KCNIP4: variants seen among roughly 807,000 people sequenced by gnomAD.
KCNIP4 encodes the protein Kv channel-interacting protein 4.
KCNIP4 carries 12 observed loss-of-function variants against 34.0 expected under a neutral mutation model. That is an observed-to-expected ratio of 0.35 (90% CI 0.23 to 0.57). The LOEUF (loss-of-function observed/expected upper bound fraction) is 0.57. Ranked by LOEUF, KCNIP4 falls within the 20% of genes least tolerant of loss-of-function variation. The pLI is 0.83. For synonymous variants in KCNIP4, 124 were observed against 102.2 expected, an observed-to-expected ratio of 1.21 and a Z score of -1.29; for missense variants, 238 against 311.7, an observed-to-expected ratio of 0.76 and a Z score of 1.78.
intron 1 of KCNIP4, among the ~76,000 whole-genome samples, chr4:21,629,849 C>CTTTTTTTTTTTTTTTTTTTTTTTTTTT (rs5856652): frequency 1.1e-5 from 1 of 87,802 alleles, no homozygotes; most frequent in African/African-American, 4.8e-5. Context: ...CTTTTTCTTT[C>CTTTTTTTTTTTTTTTTTTTTTTTTTTT]TTTTTTTTTT....
intron 1 of KCNIP4, among the ~76,000 whole-genome samples, chr4:21,192,940 C>CA (rs1755768736): frequency 6.9e-6 from 1 of 145,248 alleles, no homozygotes; most frequent in Non-Finnish European, 1.5e-5. Context: ...ACTACTACTA[C>CA]TACTACTACT....
chr4:21,068,271 G>C (rs76970870), intron 1 of KCNIP4, among the ~76,000 whole-genome samples: 3,548 of 152,192 alleles, frequency 0.023, 127 homozygotes, highest in African/African-American at 0.08. Flanking sequence ...AGGCTCTGAC[G>C]TGGTCGTCCT....
At chr4:21,100,310 G>T (rs1747822897) in intron 1 of KCNIP4, among the ~76,000 whole-genome samples, 1 of 152,080 alleles carries the variant, frequency 6.6e-6, no homozygotes, top group Non-Finnish European at 1.5e-5. Context: ...CAGCACTTTG[G>T]GAGGCCAAGC....
At chr4:21,743,808 C>T (rs1560681349) in intron 1 of KCNIP4, among the ~76,000 whole-genome samples, 2 of 148,784 alleles carry the variant, frequency 1.3e-5, no homozygotes, top group South Asian at 2.2e-4. Flanking sequence ...CTGCAAATTA[C>T]ACAGCTTTCT....
chr4:21,374,825 A>G (rs1420840406), intron 1 of KCNIP4, among the ~76,000 whole-genome samples: 2 of 147,454 alleles, frequency 1.4e-5, no homozygotes, highest in Non-Finnish European at 2.9e-5. Flanking sequence ...CTGGGAATGG[A>G]GTGTAGCTTG....
chr4:21,831,405 G>T (rs1023045677), intron 1 of KCNIP4, among the ~76,000 whole-genome samples: 1 of 151,626 alleles, frequency 6.6e-6, no homozygotes, highest in Non-Finnish European at 1.5e-5. Flanking sequence ...CAAACATTTA[G>T]CTAGGTTAAC....
At chr4:21,879,919 T>A (rs556884556) in intron 1 of KCNIP4, among the ~76,000 whole-genome samples, 1 of 152,030 alleles carries the variant, frequency 6.6e-6, no homozygotes, top group Non-Finnish European at 1.5e-5. Flanking sequence ...GGGCTTTTTT[T>A]CCCCACTTTC....
intron 1 of KCNIP4, among the ~76,000 whole-genome samples, chr4:21,135,533 A>G (rs1178990893): frequency 6.6e-6 from 1 of 152,164 alleles, no homozygotes; most frequent in Non-Finnish European, 1.5e-5. Context: ...TTTTGGCAGG[A>G]AAATTGGCAA....
intron 1 of KCNIP4, among the ~76,000 whole-genome samples, chr4:21,552,325 T>G (rs1386917514): frequency 6.6e-6 from 1 of 152,146 alleles, no homozygotes; most frequent in Non-Finnish European, 1.5e-5. Flanking sequence ...AAGATGCTAC[T>G]GGATACAATA....
In KCNIP4 at chr4:20,826,478, G is replaced by A. The variant is rs544626973; in HGVS notation, c.288+24065C>T. 1.5e-4 allele frequency among the ~76,000 whole-genome samples: 23 copies of A among 151,796 alleles called. No individual in the cohort carries two copies. In the South Asian group the frequency reaches 2.9e-3, roughly 19 times the overall value. The stretch of plus-strand genomic sequence containing the variant: ...CACACACCTGTAGTCCTAGCTACTC[G>A]GGAGGTTGAGGTGGGAGGATGCTTG... On this transcript the variant is annotated intron_variant, in intron 3 of 8. Transcript: ENST00000382152.
rs543854981 is a variant in KCNIP4 at position 20,972,047 on chromosome 4, A to G, written c.62-89338T>C. Among the ~76,000 whole-genome samples the G allele has an allele frequency of 3.9e-5, 6 of 152,310 alleles. No individual in the cohort carries two copies. In the East Asian group the frequency reaches 1.2e-3, roughly 29 times the overall value. ...ACTCCTCATTTGTTCTAGTTTGATC[A>G]TGAGATTCCAGTAATTCAGTTAAAT... On this transcript the variant is annotated intron_variant, in intron 1 of 8. Coordinates refer to ENST00000382152, the MANE Select transcript of KCNIP4 (RefSeq NM_025221.6).
chr4:21,309,314 T>G (rs185663572), intron 1 of KCNIP4, among the ~76,000 whole-genome samples: 2 of 152,150 alleles, frequency 1.3e-5, no homozygotes, highest in Non-Finnish European at 2.9e-5. Context: ...TTTCTGATTG[T>G]TCATCTTTCA....
chr4:20,978,199 G>A (rs1244314468), intron 1 of KCNIP4, among the ~76,000 whole-genome samples: 1 of 151,962 alleles, frequency 6.6e-6, no homozygotes, highest in Non-Finnish European at 1.5e-5. Flanking sequence ...TTGGTGTGCA[G>A]GTATCTTCAC....
At chr4:21,059,828 A>G (rs899189227) in intron 1 of KCNIP4, among the ~76,000 whole-genome samples, 3 of 152,144 alleles carry the variant, frequency 2.0e-5, no homozygotes, top group African/African-American at 7.2e-5. Flanking sequence ...AACACAATTT[A>G]ACTGAGAAAT....
At chr4:20,916,231 C>G (rs1491369) in intron 1 of KCNIP4, 365,674 of 673,970 alleles carry the variant, frequency 0.54, 100,637 homozygotes, top group East Asian at 0.81. Context: ...CAGGTTCTCT[C>G]TATGATTTCT....
At chr4:20,845,138 G>A (rs1720211156) in intron 3 of KCNIP4, among the ~76,000 whole-genome samples, 1 of 152,130 alleles carries the variant, frequency 6.6e-6, no homozygotes, top group Non-Finnish European at 1.5e-5. Flanking sequence ...GAGATGTGCA[G>A]TGTAAGGTCC....
At chr4:20,827,567 T>C (rs749359996) in intron 3 of KCNIP4, among the ~76,000 whole-genome samples, 1 of 152,162 alleles carries the variant, frequency 6.6e-6, no homozygotes, top group African/African-American at 2.4e-5. Context: ...CTTCAACATA[T>C]GAATTTTGAG....
intron 1 of KCNIP4, among the ~76,000 whole-genome samples, chr4:21,367,334 G>C (rs1719885924): frequency 1.3e-5 from 2 of 152,180 alleles, no homozygotes; most frequent in Middle Eastern, 3.4e-3. Context: ...TATCTGATTT[G>C]TCTTACTTCT....
intron 1 of KCNIP4, among the ~76,000 whole-genome samples, chr4:20,956,612 G>A (rs996121527): frequency 1.3e-5 from 2 of 152,038 alleles, no homozygotes; most frequent in African/African-American, 2.4e-5. Flanking sequence ...CACTGCAGAA[G>A]AATAAAACAA....
Sources: allele counts gnomAD v4.1 joint callset (sites outside exome capture counted in the v4.1 genomes callset), GRCh38; gene constraint gnomAD v4.1.1; transcripts MANE v1.5; gene names NCBI Gene and HGNC (gene_info 2026-07-23, HGNC 2026-07-21).